Variants in BAG5 observed in about 807,000 individuals in gnomAD.
The protein encoded by BAG5 is BAG cochaperone 5.
Under a neutral mutation model 31.8 loss-of-function variants are expected in BAG5, and 25 were observed. The observed-to-expected ratio is 0.79, with a 90% CI of 0.57 to 1.10. BAG5 has a LOEUF of 1.10. Ranked by LOEUF, BAG5 falls within the 50% of genes least tolerant of loss-of-function variation. BAG5 has a pLI of 0.00. For missense variants in BAG5, 491 were observed against 527.9 expected (o/e 0.93, Z 0.68); for synonymous variants, 208 against 205.0 (o/e 1.01, Z -0.13).
rs916099496 is a variant in BAG5, at chr14:103,558,868, A to G, written c.*953T>C. 1.3e-5 allele frequency: 2 copies of G among 152,230 alleles called. No individual in the cohort carries two copies. The highest frequency in any genetic ancestry group is 6.5e-5 in the Admixed American group (1 of 15,282). 9.4% of individuals were successfully genotyped at this position (152,230 alleles called of 1,614,324 possible). A position where few individuals can be genotyped will look rare whatever the true frequency, so the allele number is the denominator to read the frequency against. On this transcript the variant is annotated 3_prime_UTR_variant, in exon 2 of 2. Transcript: ENST00000299204. ...CCGGGGAGGTGTGACAAGGCTGTCC[A>G]TTTTACAGCCTTGGACAACAGAAGA...
rs939941422 is a variant in BAG5 at position 103,557,029 on chromosome 14, C to A, written c.*2792G>T. On this transcript the variant is annotated 3_prime_UTR_variant, in exon 2 of 2. Transcript: ENST00000299204. ...CTTCATTATAGGCTGACTGGCTTTCCTGTGTGGATAAAGTGTGATCTGAAA... is the reference window on the plus strand; with the variant it reads ...CTTCATTATAGGCTGACTGGCTTTCATGTGTGGATAAAGTGTGATCTGAAA... 4 of 152,206 alleles carry A rather than the reference C, an allele frequency of 2.6e-5. No individual in the cohort carries two copies. Among genetic ancestry groups the A allele is most frequent in the Non-Finnish European group, 5.9e-5 (4 of 68,038 alleles). 9.4% of individuals were successfully genotyped at this position (152,206 alleles called of 1,614,324 possible).
In BAG5 at chr14:103,557,235, A is replaced by G. The variant is rs1424097870; in HGVS notation, c.*2586T>C. On this transcript the variant is annotated 3_prime_UTR_variant, in exon 2 of 2. Coordinates refer to ENST00000299204, the MANE Select transcript of BAG5 (RefSeq NM_001015048.3). ...AATACAATGTGACAAGCCCAGTTTA[A>G]GAATTACATGCAGTAGCTCATATTA... is the stretch of plus-strand genomic sequence containing the variant. 6.6e-6 allele frequency: 1 copy of G among 152,272 alleles called. No homozygotes were observed. Among genetic ancestry groups the G allele is most frequent in the African/African-American group, 2.4e-5 (1 of 41,468 alleles). 9.4% of individuals were successfully genotyped at this position (152,272 alleles called of 1,614,324 possible).
Position 103,559,775 on chromosome 14 carries a change from C to G in BAG5, c.*46G>C, listed in dbSNP as rs768533731. On this transcript the variant is annotated 3_prime_UTR_variant, in exon 2 of 2. Transcript: ENST00000299204. ...ACTGAAAGCTCTCTATACATAGAAG[C>G]ACATATGAAGTGCAAAACAGTATCA... The G allele has an allele frequency of 1.9e-6, 3 of 1,574,938 alleles. No homozygotes were observed. The highest frequency in any genetic ancestry group is 2.6e-6 in the Non-Finnish European group (3 of 1,160,504).
chr14:103,562,565 CCACTCGTCCCCCCGAGAGAG>C (rs1261194728), intron 1 of BAG5, 31 bp downstream of exon 1: 1 of 159,902 alleles, frequency 6.3e-6, no homozygotes, highest in Non-Finnish European at 1.4e-5. Flanking sequence ...AGGTGGTGCC[CCACTCGTCCCCCCGAGAGAG>C]GGAAAAGGCT....
intron 1 of BAG5, among the ~76,000 whole-genome samples, 160 bp from the exon 2 acceptor site, chr14:103,561,352 A>C (rs2142263335): frequency 6.6e-6 from 1 of 152,300 alleles, no homozygotes; most frequent in Non-Finnish European, 1.5e-5. Context: ...GTCGTACACC[A>C]CTACGCCCAG....
Position 103,560,030 on chromosome 14 carries a change from T to C in BAG5, c.1135A>G (p.Ile379Val), listed in dbSNP as rs755820740. 11 of 1,614,180 alleles carry C rather than the reference T, an allele frequency of 6.8e-6. No individual in the cohort carries two copies. The South Asian group carries it at 1.1e-4, about 16-fold the overall frequency. ...VWNVLGNLSE[I>V]QGEVLSFDGN... ...TCAAATGAAAGAACTTCTCCCTGGA[T>C]CTCAGACAAGTTTCCAAGGACGTTC... is the stretch of plus-strand genomic sequence containing the variant. Residue 379 changes from isoleucine to valine, a missense_variant, in exon 2 of 2, where the codon ATC becomes GTC. Physicochemically the swap from Ile to Val is conservative, Grantham distance 29. Transcript: ENST00000299204.
At position 103,560,181 on chromosome 14, in the gene BAG5, G is replaced by A. The variant is rs2076061935; in HGVS notation, c.984C>T (p.Ile328=). The A allele has an allele frequency of 1.2e-6, 2 of 1,614,042 alleles. No homozygotes were observed. The highest frequency in any genetic ancestry group is 1.3e-5 in the African/African-American group (1 of 75,020). The part of the protein sequence containing the change: ...DEVSLEKNPC[I]REARRRAVIE... ...TCACTGCTCTTCTCCTGGCTTCCCG[G>A]ATGCAGGGGTTTTTTTCAAGACTTA... Residue 328 remains isoleucine (I), a synonymous_variant, in exon 2 of 2, where the codon ATC becomes ATT. Coordinates refer to ENST00000299204, the MANE Select transcript of BAG5 (RefSeq NM_001015048.3).
In BAG5 at chr14:103,560,285, G is replaced by A. The variant is rs1431641470; in HGVS notation, c.880C>T (p.Leu294Phe). 6.2e-7 allele frequency: 1 copy of A among 1,614,018 alleles called. No individual in the cohort carries two copies. Among genetic ancestry groups the A allele is most frequent in the African/African-American group, 1.3e-5 (1 of 74,918 alleles). ...KRMREIKNELLQAQNPSELYL... is the reference protein window; with the variant it reads ...KRMREIKNELFQAQNPSELYL... ...AATTCAGAAGGGTTTTGTGCTTGGA[G>A]AAGTTCATTTTTTATTTCTCTCATT... Residue 294 changes from leucine (L) to phenylalanine (F), a missense_variant, in exon 2 of 2, where the codon CTC becomes TTC. Physicochemically the swap from Leu to Phe is conservative, Grantham distance 22. Transcript: ENST00000299204.
chr14:103,561,779 G>T, intron 1 of BAG5: 1 of 650,708 alleles, frequency 1.5e-6, no homozygotes. Flanking sequence ...AAAGAAGAGC[G>T]ACCGGGACAG....
At position 103,558,455 on chromosome 14, in the gene BAG5, G is replaced by C. The variant is rs1055920799; in HGVS notation, c.*1366C>G. ...CTAACAGGATGACCAGGCAAAAGGT[G>C]ACCCGGGGGAGGAGTCTGTTATAAC... On this transcript the variant is annotated 3_prime_UTR_variant, in exon 2 of 2. Coordinates refer to ENST00000299204, the MANE Select transcript of BAG5 (RefSeq NM_001015048.3). 6 of 152,244 alleles carry C rather than the reference G, an allele frequency of 3.9e-5. No individual in the cohort carries two copies. The highest frequency in any genetic ancestry group is 3.9e-4 in the Admixed American group (6 of 15,288). The allele number at this position is 152,244 out of a possible 1,614,324, so 9.4% of individuals were successfully genotyped here.
Position 103,559,971 on chromosome 14 carries a change from C to T in BAG5, c.1194G>A (p.Leu398=), listed in dbSNP as rs2076060119. The T allele has an allele frequency of 6.2e-7, 1 of 1,614,092 alleles. No individual in the cohort carries two copies. The highest frequency in any genetic ancestry group is 1.1e-5 in the South Asian group (1 of 91,090). ...GNRTDKNYIR[L]EELLTKQLLA... ...GCAGCTGCTTGGTGAGCAGCTCTTC[C>T]AGCCGGATGTAGTTCTTATCGGTTC... is the stretch of plus-strand genomic sequence containing the variant. Residue 398 remains leucine (L), a synonymous_variant, in exon 2 of 2, where the codon CTG becomes CTA. Transcript: ENST00000299204.
At position 103,559,625 on chromosome 14, in the gene BAG5, TC is replaced by T; in HGVS notation, c.*195del. ...CCACACCACATCATACAGATAATGA[TC>T]CGAATGGAAAAGTTAACGTGCTGTA... On this transcript the variant is annotated 3_prime_UTR_variant, in exon 2 of 2. Transcript: ENST00000299204. The T allele has an allele frequency of 1.5e-6, 1 of 655,304 alleles. No homozygotes were observed. The allele number at this position is 655,304 out of a possible 1,614,324, so 40.6% of individuals were successfully genotyped here.
Position 103,560,015 on chromosome 14 carries a change from G to GA in BAG5, c.1149dup (p.Leu384SerfsTer4). Reference sequence around the variant, plus strand: ...TCGGTTCGATTTCCATCAAATGAAAGAACTTCTCCCTGGATCTCAGACAAG... The same window carrying GA: ...TCGGTTCGATTTCCATCAAATGAAAGAAACTTCTCCCTGGATCTCAGACAAG... On this transcript the variant is annotated frameshift_variant, in exon 2 of 2. Coordinates refer to ENST00000299204, the MANE Select transcript of BAG5 (RefSeq NM_001015048.3). LOFTEE classifies it high-confidence loss of function. The GA allele has an allele frequency of 1.2e-6, 2 of 1,614,182 alleles. No individual in the cohort carries two copies. The highest frequency in any genetic ancestry group is 8.5e-7 in the Non-Finnish European group (1 of 1,180,044).
intron 1 of BAG5, chr14:103,562,201 C>G: frequency 1.7e-6 from 1 of 593,642 alleles, no homozygotes; most frequent in African/African-American, 1.9e-5. Flanking sequence ...GCTGGGCCCC[C>G]AGCTGCATGC....
At chr14:103,561,655 C>A (rs2076075604) in intron 1 of BAG5, 2 of 489,426 alleles carry the variant, frequency 4.1e-6, no homozygotes, top group Non-Finnish European at 7.2e-6. Flanking sequence ...TCCCCAAGGT[C>A]CCCGCTTCTT....
chr14:103,559,659 T>C lies in BAG5; in HGVS notation c.*162A>G, dbSNP rs756762907. ...AAAAGTTAACGTGCTGTAATGATATTTGTCTTGCAACATCAAAAGCAGCAG... is the reference window on the plus strand; with the variant it reads ...AAAAGTTAACGTGCTGTAATGATATCTGTCTTGCAACATCAAAAGCAGCAG... On this transcript the variant is annotated 3_prime_UTR_variant, in exon 2 of 2. Transcript: ENST00000299204. 91 of 774,056 alleles carry C rather than the reference T, an allele frequency of 1.2e-4. No homozygotes were observed. Among genetic ancestry groups the C allele is most frequent in the Non-Finnish European group, 1.7e-4 (84 of 496,048 alleles). The allele number at this position is 774,056 out of a possible 1,614,324, so 47.9% of individuals were successfully genotyped here.
chr14:103,562,348 G>A (rs1442392707), intron 1 of BAG5: 2 of 301,270 alleles, frequency 6.6e-6, no homozygotes, highest in Non-Finnish European at 1.3e-5. Context: ...GGCGCGCGAG[G>A]GGAGCTCGGC....
At position 103,560,653 on chromosome 14, in the gene BAG5, G is replaced by A. The variant is rs752767387; in HGVS notation, c.512C>T (p.Pro171Leu). ...TGCATCCTCGGAAAGCGGCAGGGAA[G>A]GCTGCTTTTTCATGCAGTCTTCGAT... ...EIIEDCMKKQ[P>L]SLPLSEDAHP... is the part of the protein sequence containing the mutation. Residue 171 changes from proline to leucine, a missense_variant, in exon 2 of 2, where the codon CCT (proline) becomes CTT (leucine). Pro to Leu is a moderately conservative substitution (Grantham distance 98). Transcript: ENST00000299204. 1 of 1,614,152 alleles carries A rather than the reference G, an allele frequency of 6.2e-7. No individual in the cohort carries two copies. Among genetic ancestry groups the A allele is most frequent in the Non-Finnish European group, 8.5e-7 (1 of 1,180,032 alleles).
At position 103,559,774 on chromosome 14, in the gene BAG5, G is replaced by C. The variant is rs368544168; in HGVS notation, c.*47C>G. On this transcript the variant is annotated 3_prime_UTR_variant, in exon 2 of 2. Transcript: ENST00000299204. ...AACTGAAAGCTCTCTATACATAGAA[G>C]CACATATGAAGTGCAAAACAGTATC... 1.3e-5 allele frequency: 21 copies of C among 1,571,978 alleles called. No individual in the cohort carries two copies. The highest frequency in any genetic ancestry group is 1.7e-4 in the Middle Eastern group (1 of 5,920).
Sources: allele counts gnomAD v4.1 joint callset (sites outside exome capture counted in the v4.1 genomes callset), GRCh38; gene constraint gnomAD v4.1.1; transcripts MANE v1.5; gene names NCBI Gene and HGNC (gene_info 2026-07-23, HGNC 2026-07-21).